The following CNTNAP2 variants were observed in gnomAD, a reference collection of about 807,000 sequenced individuals.
CNTNAP2 encodes contactin-associated protein-like 2.
A neutral mutation model predicts 155.2 loss-of-function variants in CNTNAP2; 98 were observed. The observed-to-expected ratio is 0.63, with a 90% CI of 0.54 to 0.75. The LOEUF (loss-of-function observed/expected upper bound fraction) is 0.75. Among genes scored for constraint, CNTNAP2 ranks in the 30% least tolerant of loss-of-function variants. The pLI, the probability that CNTNAP2 is intolerant of heterozygous loss-of-function variation, is 0.00. For synonymous variants in CNTNAP2, 651 were observed against 631.2 expected (o/e 1.03, Z -0.47); for missense variants, 1,727 against 1,688.1 (o/e 1.02, Z -0.40).
chr7:146,596,725 C>T (rs1170495101), intron 1 of CNTNAP2, among the ~76,000 whole-genome samples: 1 of 151,642 alleles, frequency 6.6e-6, no homozygotes, highest in Non-Finnish European at 1.5e-5. Flanking sequence ...AGGGGCCAGA[C>T]AGCATGGATT....
At chr7:147,710,765 A>G (rs1022606534) in intron 13 of CNTNAP2, among the ~76,000 whole-genome samples, 14 of 152,312 alleles carry the variant, frequency 9.2e-5, no homozygotes, top group Admixed American at 7.2e-4. Flanking sequence ...GCCTCAAATT[A>G]GCCATCAGAA....
Position 147,552,571 on chromosome 7 carries a change from A to AACACAC in CNTNAP2, c.1778-9535_1778-9530dup, listed in dbSNP as rs34755315. ...TTCTTTACTCCATTTTACTTTCCTC[A>AACACAC]ACACACACACACACACACACACACA... On this transcript the variant is annotated intron_variant, in intron 11 of 23. Transcript: ENST00000361727. 4.1e-3 allele frequency among the ~76,000 whole-genome samples: 590 copies of AACACAC among 142,966 alleles called. 2 individuals carry two copies. The highest frequency in any genetic ancestry group is 0.013 in the African/African-American group (498 of 37,636). The allele number at this position is 142,966 out of a possible 152,430, so 93.8% of individuals were successfully genotyped here.
chr7:147,594,459 G>C (rs1273045977), intron 12 of CNTNAP2, among the ~76,000 whole-genome samples: 1 of 152,108 alleles, frequency 6.6e-6, no homozygotes, highest in Non-Finnish European at 1.5e-5. Context: ...TTATCAAAAA[G>C]GTAGCCTTTG....
chr7:146,222,995 A>C (rs1389102608), intron 1 of CNTNAP2, among the ~76,000 whole-genome samples: 1 of 152,124 alleles, frequency 6.6e-6, no homozygotes, highest in Admixed American at 6.5e-5. Flanking sequence ...CAGTGAGGAC[A>C]CTTGGTCAAG....
chr7:147,715,827 A>G (rs1055228397), intron 13 of CNTNAP2, among the ~76,000 whole-genome samples: 1 of 152,120 alleles, frequency 6.6e-6, no homozygotes, highest in Non-Finnish European at 1.5e-5. Flanking sequence ...ATAGTTTTGT[A>G]AGCTGCGCAC....
At chr7:147,482,343 A>G (rs530915542) in intron 10 of CNTNAP2, among the ~76,000 whole-genome samples, 1 of 152,266 alleles carries the variant, frequency 6.6e-6, no homozygotes, top group South Asian at 2.1e-4. Flanking sequence ...TTATATTTGA[A>G]CAAGTTGGTT....
At chr7:148,010,631 A>C (rs35215877) in intron 15 of CNTNAP2, among the ~76,000 whole-genome samples, 6,015 of 150,736 alleles carry the variant, frequency 0.04, 250 homozygotes, top group East Asian at 0.24. Flanking sequence ...TCTCCACTGA[A>C]CTGTAAAGCC....
At chr7:148,061,036 T>G (rs1236675466) in intron 15 of CNTNAP2, among the ~76,000 whole-genome samples, 1 of 152,210 alleles carries the variant, frequency 6.6e-6, no homozygotes, top group African/African-American at 2.4e-5. Flanking sequence ...TAAAGCAATC[T>G]CTAAAGGATT....
At chr7:148,124,033 G>T (rs1194794068) in intron 16 of CNTNAP2, among the ~76,000 whole-genome samples, 1 of 152,132 alleles carries the variant, frequency 6.6e-6, no homozygotes, top group Non-Finnish European at 1.5e-5. Context: ...GGATGGTAGA[G>T]ACTTTAGCAT....
At chr7:146,871,465 G>A (rs550665956) in intron 3 of CNTNAP2, among the ~76,000 whole-genome samples, 35 of 152,080 alleles carry the variant, frequency 2.3e-4, no homozygotes, top group African/African-American at 5.8e-4. Flanking sequence ...GGGAGATGGC[G>A]GTTGCAGTGA....
At chr7:146,720,978 CTATA>C (rs71165032) in intron 1 of CNTNAP2, among the ~76,000 whole-genome samples, 1 of 121,944 alleles carries the variant, frequency 8.2e-6, no homozygotes, top group Non-Finnish European at 1.6e-5. Flanking sequence ...TATATATAGA[CTATA>C]TATACTGTAT....
intron 21 of CNTNAP2, among the ~76,000 whole-genome samples, chr7:148,277,467 T>C (rs1053642588): frequency 1.3e-5 from 2 of 152,088 alleles, no homozygotes; most frequent in African/African-American, 4.8e-5. Flanking sequence ...CAGTGAGGGC[T>C]TTCATCTAAG....
At chr7:147,411,156 A>G (rs1047616825) in intron 10 of CNTNAP2, among the ~76,000 whole-genome samples, 16 of 152,222 alleles carry the variant, frequency 1.1e-4, no homozygotes, top group African/African-American at 3.6e-4. Flanking sequence ...TACCATCTCC[A>G]GAGAATATCT....
intron 21 of CNTNAP2, among the ~76,000 whole-genome samples, chr7:148,280,593 T>C (rs1251847894): frequency 6.6e-6 from 1 of 152,120 alleles, no homozygotes; most frequent in African/African-American, 2.4e-5. Context: ...CATGTGATTC[T>C]ACAATGGACT....
chr7:148,269,573 C>T (rs1435169713), intron 21 of CNTNAP2, among the ~76,000 whole-genome samples: 1 of 152,168 alleles, frequency 6.6e-6, no homozygotes, highest in Non-Finnish European at 1.5e-5. Flanking sequence ...AGAAGAAGGT[C>T]AATTTGACAA....
At chr7:147,329,187 T>TACCACATTC (rs1320973262) in intron 9 of CNTNAP2, among the ~76,000 whole-genome samples, 1 of 152,004 alleles carries the variant, frequency 6.6e-6, no homozygotes, top group African/African-American at 2.4e-5. Flanking sequence ...CAGGTATGTA[T>TACCACATTC]ACCACATTCT....
chr7:146,569,272 G>T (rs1798405273), intron 1 of CNTNAP2, among the ~76,000 whole-genome samples: 1 of 152,174 alleles, frequency 6.6e-6, no homozygotes, highest in South Asian at 2.1e-4. Context: ...GCCCTCCTCG[G>T]CCTCCCAAAG....
chr7:147,575,319 A>ATG (rs5888272), intron 12 of CNTNAP2, among the ~76,000 whole-genome samples: 215 of 124,356 alleles, frequency 1.7e-3, no homozygotes, highest in East Asian at 6.3e-3. Context: ...GGGTATATAT[A>ATG]TGTGTGTGTG....
chr7:147,352,723 C>T (rs895216265), intron 9 of CNTNAP2, among the ~76,000 whole-genome samples: 1 of 151,770 alleles, frequency 6.6e-6, no homozygotes, highest in African/African-American at 2.4e-5. Flanking sequence ...TGCTCTATTG[C>T]CTGTTACTAA....
Sources: gnomAD v4.1 joint callset for allele counts (sites outside exome capture counted in the v4.1 genomes callset) on GRCh38, gnomAD v4.1.1 for gene constraint, MANE v1.5 for transcripts, NCBI Gene and HGNC (gene_info 2026-07-23, HGNC 2026-07-21) for gene names.